ZNF385D: variants seen among roughly 807,000 people sequenced by gnomAD.
ZNF385D encodes zinc finger protein 385D.
ZNF385D carries 15 observed loss-of-function variants against 35.8 expected under a neutral mutation model. That is an observed-to-expected ratio of 0.42 (90% CI 0.28 to 0.64). ZNF385D has a LOEUF of 0.64. ZNF385D is among the 30% of genes least tolerant of loss of function. The pLI, the probability that ZNF385D is intolerant of heterozygous loss-of-function variation, is 0.23. For synonymous variants in ZNF385D, 212 were observed against 186.8 expected (o/e 1.13, Z -1.10); for missense variants, 474 against 494.6 (o/e 0.96, Z 0.39).
intron 2 of ZNF385D, among the ~76,000 whole-genome samples, chr3:22,208,298 G>C (rs1166311994): frequency 4.0e-5 from 6 of 151,812 alleles, no homozygotes; most frequent in South Asian, 2.1e-4. Flanking sequence ...AACATGGATG[G>C]AACTGGAGGT....
intron 3 of ZNF385D, among the ~76,000 whole-genome samples, chr3:21,962,192 T>C (rs1393488562): frequency 1.3e-5 from 2 of 152,058 alleles, no homozygotes; most frequent in African/African-American, 4.8e-5. Flanking sequence ...GAAGAGATGA[T>C]TATGTATTTG....
chr3:21,547,841 C>T (rs2062430733), intron 3 of ZNF385D, among the ~76,000 whole-genome samples: 2 of 152,004 alleles, frequency 1.3e-5, no homozygotes, highest in Non-Finnish European at 2.9e-5. Flanking sequence ...GGTCTTCTGA[C>T]CTCAGGTGGT....
chr3:21,756,113 G>A (rs951006781), upstream of ZNF385D, among the ~76,000 whole-genome samples: 1 of 152,146 alleles, frequency 6.6e-6, no homozygotes, highest in African/African-American at 2.4e-5. Context: ...GACGTATGAA[G>A]AATTGACTAA....
chr3:21,566,066 T>C (rs2063135806), intron 2 of ZNF385D, among the ~76,000 whole-genome samples: 1 of 152,190 alleles, frequency 6.6e-6, no homozygotes, highest in South Asian at 2.1e-4. Flanking sequence ...GTTGTCTAGG[T>C]ACTGTTAACA....
intron 2 of ZNF385D, among the ~76,000 whole-genome samples, chr3:22,329,560 A>G (rs73039264): frequency 0.22 from 34,052 of 152,088 alleles, 4,476 homozygotes; most frequent in Non-Finnish European, 0.31. Context: ...AATCCCATCA[A>G]TTGTACACAA....
chr3:22,047,063 A>G (rs1379106326), intron 3 of ZNF385D, among the ~76,000 whole-genome samples: 1 of 152,134 alleles, frequency 6.6e-6, no homozygotes, highest in Non-Finnish European at 1.5e-5. Context: ...ACTACAAATA[A>G]CAGTTCACCT....
intron 3 of ZNF385D, among the ~76,000 whole-genome samples, chr3:22,019,700 T>G (rs994537707): frequency 1.6e-4 from 25 of 152,114 alleles, no homozygotes; most frequent in African/African-American, 5.5e-4. Context: ...GTTAACCATT[T>G]TGGAGACTCT....
intron 4 of ZNF385D, among the ~76,000 whole-genome samples, chr3:21,463,884 C>T (rs1262161737): frequency 7.0e-6 from 1 of 142,340 alleles, no homozygotes; most frequent in Non-Finnish European, 1.6e-5. Flanking sequence ...AGGAGAGCTG[C>T]TTAGCCTCAG....
At chr3:22,292,705 AT>A (rs1463535440) in intron 2 of ZNF385D, among the ~76,000 whole-genome samples, 2 of 152,052 alleles carry the variant, frequency 1.3e-5, no homozygotes, top group Non-Finnish European at 2.9e-5. Flanking sequence ...TGTAACAAGT[AT>A]TTGTTTTCTG....
chr3:21,755,144 G>A (rs1355068826), upstream of ZNF385D, among the ~76,000 whole-genome samples: 1 of 152,186 alleles, frequency 6.6e-6, no homozygotes, highest in Non-Finnish European at 1.5e-5. Context: ...GCATAGCTCA[G>A]TTGTGTCTTC....
intron 3 of ZNF385D, among the ~76,000 whole-genome samples, chr3:22,119,718 T>A (rs1432594282): frequency 6.6e-6 from 1 of 152,184 alleles, no homozygotes; most frequent in South Asian, 2.1e-4. Flanking sequence ...TGTTTTACTA[T>A]CTCTCCAGTA....
intron 3 of ZNF385D, among the ~76,000 whole-genome samples, chr3:22,049,467 A>T (rs981435416): frequency 6.6e-6 from 1 of 151,994 alleles, no homozygotes; most frequent in Non-Finnish European, 1.5e-5. Flanking sequence ...AAACAAGTGT[A>T]CCCATGTCCT....
chr3:22,308,746 T>C lies in ZNF385D; in HGVS notation c.106+63704A>G, dbSNP rs574674626. On this transcript the variant is annotated intron_variant, in intron 2 of 5. Transcript: ENST00000494108. The stretch of plus-strand genomic sequence containing the variant: ...AAAGTAGTGGCCAAAAGAGGCCATA[T>C]TGCAGAATTAAAGTGGAGATTTTAA... Among the ~76,000 whole-genome samples the C allele has an allele frequency of 9.2e-5, 14 of 152,116 alleles. No homozygotes were observed. The South Asian group carries it at 1.2e-3, about 13-fold the overall frequency.
chr3:22,058,770 G>C (rs995465373), intron 3 of ZNF385D, among the ~76,000 whole-genome samples: 1 of 152,144 alleles, frequency 6.6e-6, no homozygotes, highest in African/African-American at 2.4e-5. Flanking sequence ...TTGGAAGCCA[G>C]TCTGAAATTT....
chr3:22,130,582 G>A (rs1703724071), intron 3 of ZNF385D, among the ~76,000 whole-genome samples: 1 of 152,138 alleles, frequency 6.6e-6, no homozygotes, highest in African/African-American at 2.4e-5. Context: ...GCAGCACTGA[G>A]TTCCAATGCA....
At chr3:22,048,732 TTTTG>T (rs1699163065) in intron 3 of ZNF385D, among the ~76,000 whole-genome samples, 8 of 152,306 alleles carry the variant, frequency 5.3e-5, no homozygotes, top group African/African-American at 1.9e-4. Context: ...ATTCTGGGTC[TTTTG>T]TGATTCCAAG....
In ZNF385D at chr3:22,306,082, A is replaced by G. The variant is rs185860494; in HGVS notation, c.106+66368T>C. On this transcript the variant is annotated intron_variant, in intron 2 of 5. Transcript: ENST00000494108. The stretch of plus-strand genomic sequence containing the variant: ...GCTTGTTTCCTTGTGGAAGGGCAAG[A>G]AAACTACAAAAGTCAGAATTCTCTT... Among the ~76,000 whole-genome samples, 615 of 152,294 alleles carry G rather than the reference A, an allele frequency of 4.0e-3. 10 individuals carry two copies. In the South Asian group the frequency reaches 0.049, roughly 12 times the overall value.
chr3:22,030,018 G>A (rs1196384983), intron 3 of ZNF385D, among the ~76,000 whole-genome samples: 3 of 151,452 alleles, frequency 2.0e-5, no homozygotes, highest in Non-Finnish European at 2.9e-5. Context: ...AATCTGGTGG[G>A]CACAGCCTAA....
At chr3:21,982,030 C>G (rs1363234199) in intron 3 of ZNF385D, among the ~76,000 whole-genome samples, 1 of 148,210 alleles carries the variant, frequency 6.7e-6, no homozygotes, top group Non-Finnish European at 1.5e-5. Context: ...TGCTTAGGAT[C>G]GCCTTGGCTA....
Sources: gnomAD v4.1 joint callset for allele counts (sites outside exome capture counted in the v4.1 genomes callset) on GRCh38, gnomAD v4.1.1 for gene constraint, MANE v1.5 for transcripts, NCBI Gene and HGNC (gene_info 2026-07-23, HGNC 2026-07-21) for gene names.